The following DNAJB13 variants were observed in gnomAD, a reference collection of about 807,000 sequenced individuals.
The protein encoded by DNAJB13 is dnaJ homolog subfamily B member 13.
In DNAJB13, 22 loss-of-function variants were observed where a neutral mutation model predicts 35.6. That is an observed-to-expected ratio of 0.62 (90% CI 0.44 to 0.88). The LOEUF (loss-of-function observed/expected upper bound fraction) is 0.88. Among genes scored for constraint, DNAJB13 ranks in the 40% least tolerant of loss-of-function variants. DNAJB13 has a pLI of 0.00. For missense variants in DNAJB13, 370 were observed against 384.3 expected, an observed-to-expected ratio of 0.96 and a Z score of 0.31; for synonymous variants, 136 against 144.2, an observed-to-expected ratio of 0.94 and a Z score of 0.41.
At chr11:73,958,678 C>T (rs1950831428) in intron 2 of DNAJB13, among the ~76,000 whole-genome samples, 1 of 152,194 alleles carries the variant, frequency 6.6e-6, no homozygotes, top group Non-Finnish European at 1.5e-5. Context: ...GGGCACATTC[C>T]CCACGCATCC....
At chr11:73,965,166 C>T (rs1488410413) in intron 4 of DNAJB13, 131 bp downstream of exon 4, 1 of 1,049,860 alleles carries the variant, frequency 9.5e-7, no homozygotes, top group Non-Finnish European at 1.3e-6. Context: ...ATTCAGAGAC[C>T]TAGGATGTTA....
chr11:73,959,243 A>G (rs1178347610), intron 2 of DNAJB13, among the ~76,000 whole-genome samples: 1 of 151,898 alleles, frequency 6.6e-6, no homozygotes, highest in African/African-American at 2.4e-5. Context: ...CCAGTCTCTC[A>G]CCCTGCCCCC....
intron 3 of DNAJB13, among the ~76,000 whole-genome samples, chr11:73,963,272 G>A (rs1950982812): frequency 6.6e-6 from 1 of 151,948 alleles, no homozygotes; most frequent in Non-Finnish European, 1.5e-5. Context: ...TTGAACCGAG[G>A]AGGTGGAGGT....
Position 73,969,954 on chromosome 11 carries a change from A to C in DNAJB13, c.798-7A>C, listed in dbSNP as rs770120819. The C allele has an allele frequency of 4.4e-6, 7 of 1,604,378 alleles. No individual in the cohort carries two copies. On this transcript the variant is annotated splice_region_variant and splice_polypyrimidine_tract_variant and intron_variant, in intron 7 of 7. Coordinates refer to ENST00000339764, the MANE Select transcript of DNAJB13 (RefSeq NM_153614.4). ...CCTCTATGCTCCTTTCTTTCATCCT[A>C]TTTCAGCCCCAAATACTTCAAGAAG...
chr11:73,967,289 C>T (rs946441645), intron 5 of DNAJB13, among the ~76,000 whole-genome samples: 1 of 152,170 alleles, frequency 6.6e-6, no homozygotes, highest in African/African-American at 2.4e-5. Flanking sequence ...AGCCACCGTG[C>T]CTGGCCTATT....
intron 1 of DNAJB13, among the ~76,000 whole-genome samples, chr11:73,957,920 G>C (rs975692994): frequency 1.3e-5 from 2 of 152,200 alleles, no homozygotes; most frequent in African/African-American, 4.8e-5. Context: ...AGACAGGGAG[G>C]GGAGGAAGGA....
chr11:73,966,330 G>C, intron 5 of DNAJB13, 79 bp downstream of exon 5: 1 of 1,372,492 alleles, frequency 7.3e-7, no homozygotes, highest in Non-Finnish European at 1.0e-6. Context: ...GAAGGGAAAG[G>C]AGGCAATACT....
In DNAJB13 at chr11:73,968,331, C is replaced by A; in HGVS notation, c.607-14C>A. The A allele has an allele frequency of 6.2e-7, 1 of 1,612,366 alleles. No homozygotes were observed. The highest frequency in any genetic ancestry group is 8.5e-7 in the Non-Finnish European group (1 of 1,178,500). On this transcript the variant is annotated splice_polypyrimidine_tract_variant and intron_variant, in intron 5 of 7. Transcript: ENST00000339764. ...CCAACTAGTCCTTGTCACCTTTTGG[C>A]GTCCCCTGCCCAGGGCCCCAACATC...
intron 3 of DNAJB13, among the ~76,000 whole-genome samples, chr11:73,962,618 C>T (rs1950965890): frequency 1.3e-5 from 2 of 152,138 alleles, no homozygotes; most frequent in Non-Finnish European, 1.5e-5. Context: ...CTTCCTGGCT[C>T]CAGTTATACC....
intron 3 of DNAJB13, chr11:73,963,966 A>G (rs901365672): frequency 6.6e-6 from 1 of 152,226 alleles, no homozygotes. Flanking sequence ...ACTGCTTACT[A>G]GCTACGGGAC....
At chr11:73,967,275 T>C (rs1951144146) in intron 5 of DNAJB13, among the ~76,000 whole-genome samples, 1 of 152,132 alleles carries the variant, frequency 6.6e-6, no homozygotes, top group Non-Finnish European at 1.5e-5. Context: ...GGATTAAAGG[T>C]GTGAGCCACC....
At chr11:73,953,476 T>G (rs1226390100) in intron 1 of DNAJB13, among the ~76,000 whole-genome samples, 5 of 152,132 alleles carry the variant, frequency 3.3e-5, no homozygotes, top group Non-Finnish European at 7.4e-5. Context: ...CTCACAACAC[T>G]AAAGATTTCA....
chr11:73,969,100 G>A (rs1591210509), intron 6 of DNAJB13, 146 bp from the exon 7 acceptor site: 1 of 506,690 alleles, frequency 2.0e-6, no homozygotes, highest in South Asian at 3.1e-5. Context: ...AATTGCATGG[G>A]TCATTCACCT....
chr11:73,958,420 C>T lies in DNAJB13; in HGVS notation c.172C>T (p.Pro58Ser). 1.2e-6 allele frequency: 2 copies of T among 1,613,798 alleles called. No homozygotes were observed. The highest frequency in any genetic ancestry group is 1.7e-6 in the Non-Finnish European group (2 of 1,179,782). ...AGAGGCCTACGACGTGCTGAGTGAC[C>T]GTGAGTAGGTGTGGGGCTGAGCACC... ...IAEAYDVLSD[P>S]MKRGIYDKFG... The change falls in exon 2 of 8, where the codon CCC becomes TCC. Residue 58 changes from proline to serine, a missense_variant and splice_region_variant. Transcript: ENST00000339764.
At chr11:73,957,320 A>C (rs1950777601) in intron 1 of DNAJB13, among the ~76,000 whole-genome samples, 1 of 152,170 alleles carries the variant, frequency 6.6e-6, no homozygotes, top group Non-Finnish European at 1.5e-5. Flanking sequence ...GGCCCTGTCC[A>C]CACACTCCAA....
chr11:73,959,248 G>A (rs763749748), intron 2 of DNAJB13, among the ~76,000 whole-genome samples: 2 of 152,026 alleles, frequency 1.3e-5, no homozygotes, highest in Non-Finnish European at 2.9e-5. Context: ...CTCTCACCCT[G>A]CCCCCAGCAA....
chr11:73,956,345 G>A (rs1325983819), intron 1 of DNAJB13, among the ~76,000 whole-genome samples: 1 of 152,116 alleles, frequency 6.6e-6, no homozygotes, highest in Non-Finnish European at 1.5e-5. Flanking sequence ...GCTGCAGAGG[G>A]GTGAGTCATG....
chr11:73,954,638 A>T lies in DNAJB13; in HGVS notation c.68+3501A>T, dbSNP rs866395090. Among the ~76,000 whole-genome samples the T allele has an allele frequency of 1.2e-3, 160 of 129,576 alleles. 1 individual carries two copies. The East Asian group carries it at 0.019, about 16-fold the overall frequency. 85.0% of individuals were successfully genotyped at this position (129,576 alleles called of 152,430 possible). On this transcript the variant is annotated intron_variant, in intron 1 of 7. Transcript: ENST00000339764. ...GAGTGAGACTCCGTCTCAAAAAAAA[A>T]AAATAAAATAAATAAATAAATAAAT...
chr11:73,964,810 T>TGA, intron 3 of DNAJB13, 68 bp from the exon 4 acceptor site: 1 of 704,244 alleles, frequency 1.4e-6, no homozygotes, highest in Non-Finnish European at 2.2e-6. Context: ...TGTGTGTGTG[T>TGA]GTGCGCGCGC....
Sources: gnomAD v4.1 joint callset for allele counts (sites outside exome capture counted in the v4.1 genomes callset) on GRCh38, gnomAD v4.1.1 for gene constraint, MANE v1.5 for transcripts, NCBI Gene and HGNC (gene_info 2026-07-23, HGNC 2026-07-21) for gene names.